The following PLEKHD1 variants were observed in gnomAD, a reference collection of about 807,000 sequenced individuals.
PLEKHD1 encodes pleckstrin homology domain-containing family D member 1.
A neutral mutation model predicts 69.2 loss-of-function variants in PLEKHD1; 51 were observed. The observed-to-expected ratio is 0.74, with a 90% CI of 0.59 to 0.93. The LOEUF (loss-of-function observed/expected upper bound fraction) is 0.93. Among genes scored for constraint, PLEKHD1 ranks in the 40% least tolerant of loss-of-function variants. The probability of loss-of-function intolerance (pLI) is 0.00; values close to 1 mark genes in which losing one functional copy is unlikely to be tolerated. For synonymous variants in PLEKHD1, 236 were observed against 244.7 expected (o/e 0.96, Z 0.33); for missense variants, 584 against 641.0 (o/e 0.91, Z 0.96).
intron 1 of PLEKHD1, among the ~76,000 whole-genome samples, chr14:69,499,264 C>G (rs1029664816): frequency 6.7e-6 from 1 of 148,622 alleles, no homozygotes; most frequent in Admixed American, 6.7e-5. Context: ...CACACACACA[C>G]ACTCACACCA....
At chr14:69,494,569 C>T (rs903323184) in intron 1 of PLEKHD1, among the ~76,000 whole-genome samples, 16 of 152,224 alleles carry the variant, frequency 1.1e-4, no homozygotes, top group African/African-American at 2.7e-4. Context: ...ACAATTGTGA[C>T]GTGGATCAAA....
rs1158698909 is a variant in PLEKHD1, at chr14:69,502,862, C to T, written c.538C>T (p.Gln180Ter). The T allele has an allele frequency of 6.4e-7, 1 of 1,551,662 alleles. No individual in the cohort carries two copies. The highest frequency in any genetic ancestry group is 8.7e-7 in the Non-Finnish European group (1 of 1,146,964). Reference protein sequence around the residue: ...LMEETEELCLQREQREELERL... With the variant: ...LMEETEELCL ...GGAAGAGACCGAAGAACTCTGCCTT[C>T]AGAGGGAGCAGAGAGAGGTAGGTGC... Residue 180 changes from glutamine to a stop codon, truncating the protein, a stop_gained, in exon 6 of 13, where the codon CAG (glutamine) becomes TAG (stop). Transcript: ENST00000322564. LOFTEE classifies it high-confidence loss of function.
intron 1 of PLEKHD1, among the ~76,000 whole-genome samples, chr14:69,499,261 ACACACT>A (rs1882968203): frequency 7.1e-6 from 1 of 141,186 alleles, no homozygotes; most frequent in Non-Finnish European, 1.6e-5. Context: ...ACACACACAC[ACACACT>A]CACACCAGCT....
At chr14:69,469,845 A>C in the PLEKHD1 span, among the ~76,000 whole-genome samples, 1 of 151,576 alleles carries the variant, frequency 6.6e-6, no homozygotes, top group African/African-American at 2.4e-5. Context: ...CTCAGCCTCC[A>C]CTAGTAGCTG....
intron 8 of PLEKHD1, among the ~76,000 whole-genome samples, chr14:69,525,587 C>T (rs192539764): frequency 6.6e-6 from 1 of 152,202 alleles, no homozygotes; most frequent in East Asian, 1.9e-4. Context: ...GTGAGAGCAT[C>T]TAAATATGCT....
At chr14:69,492,580 T>A (rs1882800156) in intron 1 of PLEKHD1, among the ~76,000 whole-genome samples, 1 of 152,196 alleles carries the variant, frequency 6.6e-6, no homozygotes, top group South Asian at 2.1e-4. Context: ...ATCCTCTTGA[T>A]GCTTTACAAC....
At chr14:69,485,566 C>G (rs928638174) in intron 1 of PLEKHD1, among the ~76,000 whole-genome samples, 30 of 124,364 alleles carry the variant, frequency 2.4e-4, no homozygotes, top group Non-Finnish European at 4.9e-4. Flanking sequence ...CGCCAACCAC[C>G]CACCCTTAAG....
chr14:69,492,161 C>A (rs1377767273), intron 1 of PLEKHD1, among the ~76,000 whole-genome samples: 2 of 152,176 alleles, frequency 1.3e-5, no homozygotes, highest in Non-Finnish European at 2.9e-5. Flanking sequence ...CACTGCCCAC[C>A]CTTTGCACTT....
chr14:69,503,143 G>T, intron 6 of PLEKHD1: 1 of 485,890 alleles, frequency 2.1e-6, no homozygotes, highest in Non-Finnish European at 3.8e-6. Flanking sequence ...CATCCAAAGT[G>T]TCATCAGCTG....
the PLEKHD1 span, among the ~76,000 whole-genome samples, chr14:69,468,604 C>T: frequency 6.6e-6 from 1 of 151,240 alleles, no homozygotes; most frequent in East Asian, 1.9e-4. Context: ...CTGGGTCTTG[C>T]TTTGTCACCC....
chr14:69,497,549 G>A (rs754529857), intron 1 of PLEKHD1, among the ~76,000 whole-genome samples: 4 of 152,268 alleles, frequency 2.6e-5, no homozygotes, highest in Non-Finnish European at 4.4e-5. Flanking sequence ...GAAGGGTCCC[G>A]CTGGCTGAAG....
intron 1 of PLEKHD1, among the ~76,000 whole-genome samples, chr14:69,495,130 A>G (rs1376251748): frequency 6.6e-6 from 1 of 152,014 alleles, no homozygotes; most frequent in African/African-American, 2.4e-5. Context: ...CTGAACATCC[A>G]CCTTCCTTCC....
intron 1 of PLEKHD1, among the ~76,000 whole-genome samples, chr14:69,499,035 G>A (rs866686843): frequency 6.6e-6 from 1 of 152,150 alleles, no homozygotes; most frequent in Non-Finnish European, 1.5e-5. Context: ...GGCTCTTGGG[G>A]GAGGGAGCTG....
intron 6 of PLEKHD1, among the ~76,000 whole-genome samples, chr14:69,504,186 T>C (rs1175522072): frequency 2.6e-5 from 4 of 152,244 alleles, no homozygotes; most frequent in Non-Finnish European, 4.4e-5. Context: ...CTGTGTTTGT[T>C]AGCATTATGA....
the PLEKHD1 span, among the ~76,000 whole-genome samples, chr14:69,473,978 A>G: frequency 1.6e-3 from 245 of 152,304 alleles, no homozygotes; most frequent in Non-Finnish European, 2.7e-3. Flanking sequence ...TGGGAATGGC[A>G]GTAGAACCTA....
chr14:69,522,210 A>T, intron 6 of PLEKHD1, 73 bp from the exon 7 acceptor site: 1 of 1,386,002 alleles, frequency 7.2e-7, no homozygotes, highest in East Asian at 2.5e-5. Flanking sequence ...GTCCCTTGGG[A>T]TAGAGTGGGG....
chr14:69,485,016 G>A lies in PLEKHD1; in HGVS notation c.51G>A (p.Gln17=). Residue 17 remains glutamine, a synonymous_variant, in exon 1 of 13, where the codon CAG becomes CAA. Coordinates refer to ENST00000322564, the MANE Select transcript of PLEKHD1 (RefSeq NM_001161498.2). ...NSVSPSPSLE[Q]ADSDALDIST... ...TGTCGCCCTCGCCGTCCCTGGAGCA[G>A]GCTGACTCGGACGCCCTGGATATCA... 6.4e-7 allele frequency: 1 copy of A among 1,551,418 alleles called. No individual in the cohort carries two copies. The highest frequency in any genetic ancestry group is 8.7e-7 in the Non-Finnish European group (1 of 1,146,904).
the PLEKHD1 span, among the ~76,000 whole-genome samples, chr14:69,474,169 G>A: frequency 6.6e-6 from 1 of 152,140 alleles, no homozygotes; most frequent in Non-Finnish European, 1.5e-5. Flanking sequence ...AGAAGTGGGC[G>A]AGCAATTTCA....
At chr14:69,473,254 G>A in the PLEKHD1 span, among the ~76,000 whole-genome samples, 1 of 152,144 alleles carries the variant, frequency 6.6e-6, no homozygotes, top group Admixed American at 6.5e-5. Flanking sequence ...TGCCAAAAAA[G>A]TTGGGGACCA....
Sources: allele counts gnomAD v4.1 joint callset (sites outside exome capture counted in the v4.1 genomes callset), GRCh38; gene constraint gnomAD v4.1.1; transcripts MANE v1.5; gene names NCBI Gene and HGNC (gene_info 2026-07-23, HGNC 2026-07-21).